The following PRKCA variants were observed in gnomAD, a reference collection of about 807,000 sequenced individuals.
PRKCA encodes the protein protein kinase C alpha, also known as protein kinase C alpha type.
PRKCA carries 27 observed loss-of-function variants against 87.0 expected under a neutral mutation model. That is an observed-to-expected ratio of 0.31 (90% CI 0.23 to 0.43). The LOEUF (loss-of-function observed/expected upper bound fraction) is 0.43, where lower values mean the gene tolerates loss of function less well. Among genes scored for constraint, PRKCA ranks in the 20% least tolerant of loss-of-function variants. The probability of loss-of-function intolerance (pLI) is 1.00; values close to 1 mark genes in which losing one functional copy is unlikely to be tolerated. For synonymous variants in PRKCA, 329 were observed against 311.1 expected, an observed-to-expected ratio of 1.06 and a Z score of -0.61; for missense variants, 518 against 852.3, an observed-to-expected ratio of 0.61 and a Z score of 4.88.
intron 2 of PRKCA, among the ~76,000 whole-genome samples, chr17:66,344,277 T>C (rs556729086): frequency 6.6e-6 from 1 of 152,372 alleles, no homozygotes; most frequent in South Asian, 2.1e-4. Flanking sequence ...AGTCTCTTAA[T>C]TCCTTTAGCG....
At chr17:66,691,807 G>A (rs977317623) in intron 8 of PRKCA, among the ~76,000 whole-genome samples, 4 of 152,218 alleles carry the variant, frequency 2.6e-5, no homozygotes, top group African/African-American at 9.6e-5. Context: ...GGAACAGCAC[G>A]GGCGTTCCCC....
At chr17:66,374,719 C>CT (rs35431248) in intron 2 of PRKCA, among the ~76,000 whole-genome samples, 92,542 of 115,842 alleles carry the variant, frequency 0.8, 37,236 homozygotes, top group Non-Finnish European at 0.83. Context: ...GAGTTGCATT[C>CT]TTTTTTTTTT....
At chr17:66,481,107 G>A (rs891116099) in intron 2 of PRKCA, among the ~76,000 whole-genome samples, 3 of 152,088 alleles carry the variant, frequency 2.0e-5, no homozygotes, top group Non-Finnish European at 2.9e-5. Context: ...TCTGCCACAA[G>A]TCTTCCCTGA....
chr17:66,592,881 C>T (rs1225495873), intron 3 of PRKCA, among the ~76,000 whole-genome samples: 1 of 152,208 alleles, frequency 6.6e-6, no homozygotes, highest in Non-Finnish European at 1.5e-5. Flanking sequence ...CAACTTCCAT[C>T]TCCTGGGTTC....
At chr17:66,514,292 A>G (rs4622543) in intron 3 of PRKCA, among the ~76,000 whole-genome samples, 75,039 of 151,938 alleles carry the variant, frequency 0.49, 18,893 homozygotes, top group East Asian at 0.75. Context: ...CTCTAGTCTA[A>G]GCCATGTAAT....
At chr17:66,585,069 G>A (rs907259590) in intron 3 of PRKCA, among the ~76,000 whole-genome samples, 2 of 151,802 alleles carry the variant, frequency 1.3e-5, no homozygotes, top group African/African-American at 2.4e-5. Flanking sequence ...CATGGGGAGG[G>A]GGGGGTGGTG....
At position 66,385,598 on chromosome 17, in the gene PRKCA, A is replaced by G. The variant is rs1030554416; in HGVS notation, c.205+79471A>G. Among the ~76,000 whole-genome samples, 202 of 152,320 alleles carry G rather than the reference A, an allele frequency of 1.3e-3. 1 individual carries two copies. Among genetic ancestry groups the G allele is most frequent in the African/African-American group, 4.3e-3 (179 of 41,558 alleles). On this transcript the variant is annotated intron_variant, in intron 2 of 16. Transcript: ENST00000413366. Reference sequence around the variant, plus strand: ...AAAATAGATCCTGGTATGGTGGCTCACACATGGAATCCCAGCACTTTGAGA... The same window carrying G: ...AAAATAGATCCTGGTATGGTGGCTCGCACATGGAATCCCAGCACTTTGAGA...
At chr17:66,785,626 C>T (rs1483304396) in intron 14 of PRKCA, among the ~76,000 whole-genome samples, 1 of 152,202 alleles carries the variant, frequency 6.6e-6, no homozygotes, top group Non-Finnish European at 1.5e-5. Flanking sequence ...CTCAGGACTA[C>T]AGACATGCTG....
At chr17:66,542,379 C>T (rs1226597209) in intron 3 of PRKCA, among the ~76,000 whole-genome samples, 1 of 152,042 alleles carries the variant, frequency 6.6e-6, no homozygotes. Flanking sequence ...GTTAGTAAGC[C>T]ATGTGTGCTG....
chr17:66,777,753 G>A lies in PRKCA; in HGVS notation c.1605+3686G>A, dbSNP rs369072906. On this transcript the variant is annotated intron_variant, in intron 14 of 16. Transcript: ENST00000413366. Reference sequence around the variant, plus strand: ...TTTGCATATGCTAACATGCAAAAGGGGCTGGGCGGAAACGAAGCCAGGATC... The same window carrying A: ...TTTGCATATGCTAACATGCAAAAGGAGCTGGGCGGAAACGAAGCCAGGATC... 4.1e-4 allele frequency: 400 copies of A among 985,346 alleles called. 5 individuals carry two copies. The East Asian group carries it at 9.2e-3, about 23-fold the overall frequency. 61.0% of individuals were successfully genotyped at this position (985,346 alleles called of 1,614,324 possible). A position where few individuals can be genotyped will look rare whatever the true frequency, so the allele number is the denominator to read the frequency against.
chr17:66,437,715 G>T, intron 2 of PRKCA, among the ~76,000 whole-genome samples: 1 of 540 alleles, frequency 1.9e-3, no homozygotes. Flanking sequence ...GTTGTTTCAA[G>T]TTTCCTTTTT....
chr17:66,479,778 C>T (rs2144046405), intron 2 of PRKCA, among the ~76,000 whole-genome samples: 1 of 152,288 alleles, frequency 6.6e-6, no homozygotes, highest in East Asian at 1.9e-4. Context: ...ACTGCACGTT[C>T]TCACTTATAA....
chr17:66,428,209 G>T (rs1912914996), intron 2 of PRKCA, among the ~76,000 whole-genome samples: 1 of 152,182 alleles, frequency 6.6e-6, no homozygotes, highest in Non-Finnish European at 1.5e-5. Flanking sequence ...AGTCAACAGG[G>T]ATAAAGAAAC....
intron 13 of PRKCA, among the ~76,000 whole-genome samples, chr17:66,755,501 C>T (rs915098729): frequency 2.0e-5 from 3 of 152,092 alleles, no homozygotes; most frequent in Admixed American, 6.5e-5. Flanking sequence ...TATTTGCGGG[C>T]GAGACACCAC....
At chr17:66,466,163 G>A (rs183070847) in intron 2 of PRKCA, among the ~76,000 whole-genome samples, 118 of 152,304 alleles carry the variant, frequency 7.7e-4, no homozygotes, top group Middle Eastern at 3.4e-3. Flanking sequence ...GAAATATGTC[G>A]AAGCACGAGG....
At chr17:66,755,678 C>T (rs1974531701) in intron 13 of PRKCA, among the ~76,000 whole-genome samples, 1 of 152,170 alleles carries the variant, frequency 6.6e-6, no homozygotes, top group African/African-American at 2.4e-5. Flanking sequence ...CTTTTCTGCA[C>T]AGAAAAAGTA....
chr17:66,362,300 G>C (rs1438226298), intron 2 of PRKCA, among the ~76,000 whole-genome samples: 1 of 152,142 alleles, frequency 6.6e-6, no homozygotes, highest in Admixed American at 6.5e-5. Flanking sequence ...GCCTCTCAAA[G>C]TGCAGGGGAT....
rs546996203 is a variant in PRKCA at position 66,594,565 on chromosome 17, C to T, written c.289-46790C>T. Among the ~76,000 whole-genome samples the T allele has an allele frequency of 3.9e-5, 6 of 152,084 alleles. No individual in the cohort carries two copies. The South Asian group carries it at 6.2e-4, about 16-fold the overall frequency. ...TTACTCAGCGTGTTATTGCCTGACA[C>T]GTTCTGGGAAATCACAGGACAATCA... On this transcript the variant is annotated intron_variant, in intron 3 of 16. Coordinates refer to ENST00000413366, the MANE Select transcript of PRKCA (RefSeq NM_002737.3).
chr17:66,768,210 C>A (rs1974852045), intron 13 of PRKCA, among the ~76,000 whole-genome samples: 1 of 150,850 alleles, frequency 6.6e-6, no homozygotes, highest in African/African-American at 2.4e-5. Flanking sequence ...GCCCAAAGTG[C>A]TGGGATTACA....
Sources: gnomAD v4.1 joint callset for allele counts (sites outside exome capture counted in the v4.1 genomes callset) on GRCh38, gnomAD v4.1.1 for gene constraint, MANE v1.5 for transcripts, NCBI Gene and HGNC (gene_info 2026-07-23, HGNC 2026-07-21) for gene names.